The following PTGS1 variants were observed in gnomAD, a reference collection of about 807,000 sequenced individuals.
PTGS1 encodes the protein prostaglandin-endoperoxide synthase 1.
PTGS1 carries 40 observed loss-of-function variants against 63.0 expected under a neutral mutation model. That is an observed-to-expected ratio of 0.63 (90% confidence interval 0.49 to 0.83). The LOEUF (loss-of-function observed/expected upper bound fraction) is 0.83. Ranked by LOEUF, PTGS1 falls within the 40% of genes least tolerant of loss-of-function variation. The pLI is 0.00. For missense variants in PTGS1, 709 were observed against 786.5 expected, an observed-to-expected ratio of 0.90 and a Z score of 1.18; for synonymous variants, 298 against 301.9, an observed-to-expected ratio of 0.99 and a Z score of 0.13.
chr9:122,390,112 T>C, intron 9 of PTGS1, 86 bp from the exon 10 acceptor site: 1 of 1,492,520 alleles, frequency 6.7e-7, no homozygotes, highest in Non-Finnish European at 9.0e-7. Context: ...GGACTCCCAC[T>C]GGAAGCTCTT....
rs201316771 is a variant in PTGS1, at chr9:122,383,702, A to T, written c.956A>T (p.His319Leu). Residue 319 changes from histidine (H) to leucine (L), a missense_variant, in exon 8 of 11, where the codon CAC (histidine) becomes CTC (leucine). By Grantham distance (99) the His-to-Leu change is moderately conservative (BLOSUM62 -3). Transcript: ENST00000362012. ...GTGTGTGACCTGCTGAAGGCTGAGC[A>T]CCCCACCTGGGGCGATGAGCAGCTT... The part of the protein sequence containing the change: ...NRVCDLLKAE[H>L]PTWGDEQLFQ... 9 of 1,613,714 alleles carry T rather than the reference A, an allele frequency of 5.6e-6. No individual in the cohort carries two copies. Among genetic ancestry groups the T allele is most frequent in the Non-Finnish European group, 7.6e-6 (9 of 1,179,970 alleles).
rs1356099393 is a variant in PTGS1, at chr9:122,391,410, CATATATATATATATATACAT to C, written c.1445-762_1445-743del. Reference sequence around the variant, plus strand: ...ACATATATATATACATATATATATACATATATATATATATATACATATATATATATATATATTTCCCCCAA... The same window carrying C: ...ACATATATATATACATATATATATACATATATATATATATATTTCCCCCAA... On this transcript the variant is annotated intron_variant, in intron 10 of 10. Transcript: ENST00000362012. Among the ~76,000 whole-genome samples the C allele has an allele frequency of 1.8e-3, 91 of 50,720 alleles. 2 individuals carry two copies. The highest frequency in any genetic ancestry group is 0.014 in the South Asian group (18 of 1,274). 33.3% of individuals were successfully genotyped at this position (50,720 alleles called of 152,430 possible). A position where few individuals can be genotyped will look rare whatever the true frequency, so the allele number is the denominator to read the frequency against.
rs1296093899 is a variant in PTGS1 at position 122,378,937 on chromosome 9, C to T, written c.496+19C>T. The T allele has an allele frequency of 1.9e-6, 3 of 1,613,672 alleles. No homozygotes were observed. Among genetic ancestry groups the T allele is most frequent in the Non-Finnish European group, 2.5e-6 (3 of 1,179,772 alleles). ...ACCAAAGGTAAAATGGGGTGAGGAGCTGGGCCTGGGGATTACAGGAGGTGC... is the reference window on the plus strand; with the variant it reads ...ACCAAAGGTAAAATGGGGTGAGGAGTTGGGCCTGGGGATTACAGGAGGTGC... On this transcript the variant is annotated intron_variant, in intron 5 of 10. Coordinates refer to ENST00000362012, the MANE Select transcript of PTGS1 (RefSeq NM_000962.4).
At chr9:122,384,498 G>A (rs1032196023) in intron 8 of PTGS1, among the ~76,000 whole-genome samples, 12 of 152,134 alleles carry the variant, frequency 7.9e-5, no homozygotes, top group South Asian at 2.1e-4. Context: ...AAGTTTCAGC[G>A]TTGCAAAGAC....
chr9:122,381,587 A>G lies in PTGS1; in HGVS notation c.678+35A>G, dbSNP rs201704731. The G allele has an allele frequency of 2.6e-5, 42 of 1,613,654 alleles. No homozygotes were observed. The African/African-American group carries it at 5.1e-4, about 19-fold the overall frequency. On this transcript the variant is annotated intron_variant, in intron 6 of 10. Coordinates refer to ENST00000362012, the MANE Select transcript of PTGS1 (RefSeq NM_000962.4). ...TAGGAGGGGCTCAGGACTGCTCTGG[A>G]CCTAATTTGGCACGCGTATGTCATC...
intron 7 of PTGS1, among the ~76,000 whole-genome samples, chr9:122,382,822 G>A (rs994334618): frequency 1.3e-5 from 2 of 152,258 alleles, no homozygotes; most frequent in African/African-American, 4.8e-5. Flanking sequence ...CTGCCACCAA[G>A]GAGAAGCTGT....
intron 10 of PTGS1, among the ~76,000 whole-genome samples, chr9:122,391,410 CATATATATATAT>C (rs1182952396): frequency 3.9e-5 from 2 of 50,696 alleles, no homozygotes; most frequent in Admixed American, 2.6e-4. Context: ...TATATATATA[CATATATATATAT>C]ATATACATAT....
At chr9:122,378,282 T>C in intron 3 of PTGS1, 151 bp from the exon 4 acceptor site, 2 of 1,128,752 alleles carry the variant, frequency 1.8e-6, no homozygotes, top group Non-Finnish European at 1.3e-6. Context: ...CTGTCATGTG[T>C]CATTGCTCCC....
intron 8 of PTGS1, among the ~76,000 whole-genome samples, chr9:122,384,452 A>G (rs952175902): frequency 8.5e-5 from 13 of 152,184 alleles, no homozygotes; most frequent in African/African-American, 3.1e-4. Context: ...CATTGGGAAT[A>G]GGAACAGTCA....
At position 122,392,401 on chromosome 9, in the gene PTGS1, G is replaced by C. The variant is rs1202443510; in HGVS notation, c.1657G>C (p.Val553Leu). ...GAAGCCGAGCACATTTGGCGGCGAGGTGGGCTTTAACATTGTCAAGACGGC... is the reference window on the plus strand; with the variant it reads ...GAAGCCGAGCACATTTGGCGGCGAGCTGGGCTTTAACATTGTCAAGACGGC... ...YWKPSTFGGEVGFNIVKTATL... is the reference protein window; with the variant it reads ...YWKPSTFGGELGFNIVKTATL... Residue 553 changes from valine to leucine, a missense_variant, in exon 11 of 11, where the codon GTG becomes CTG. Physicochemically the swap from Val to Leu is conservative, Grantham distance 32 (BLOSUM62 1). Coordinates refer to ENST00000362012, the MANE Select transcript of PTGS1 (RefSeq NM_000962.4). The C allele has an allele frequency of 6.2e-7, 1 of 1,614,180 alleles. No individual in the cohort carries two copies. Among genetic ancestry groups the C allele is most frequent in the South Asian group, 1.1e-5 (1 of 91,082 alleles).
intron 9 of PTGS1, 35 bp downstream of exon 9, chr9:122,386,767 G>A: frequency 6.2e-7 from 1 of 1,604,558 alleles, no homozygotes; most frequent in South Asian, 1.1e-5. Flanking sequence ...AGGGCAGGTG[G>A]GCTGAGGGAT....
rs534851107 is a variant in PTGS1, at chr9:122,385,211, G to A, written c.1010-1235G>A. Among the ~76,000 whole-genome samples, 78 of 152,284 alleles carry A rather than the reference G, an allele frequency of 5.1e-4. No homozygotes were observed. In the South Asian group the frequency reaches 0.016, roughly 32 times the overall value. On this transcript the variant is annotated intron_variant, in intron 8 of 10. Transcript: ENST00000362012. ...GACCTCAGGTGATCCACCCGCCTTG[G>A]CATCCCAAAGTTCTGGGTTTATAGG...
Position 122,383,597 on chromosome 9 carries a change from T to G in PTGS1, c.851T>G (p.Met284Arg). 2 of 1,614,166 alleles carry G rather than the reference T, an allele frequency of 1.2e-6. No individual in the cohort carries two copies. The highest frequency in any genetic ancestry group is 1.7e-6 in the Non-Finnish European group (2 of 1,180,024). Residue 284 changes from methionine (M) to arginine (R), a missense_variant, in exon 8 of 11, where the codon ATG becomes AGG. Physicochemically the swap from Met to Arg is moderately conservative, Grantham distance 91. Coordinates refer to ENST00000362012, the MANE Select transcript of PTGS1 (RefSeq NM_000962.4). ...YPRGIPPQSQ[M>R]AVGQEVFGLL... ...CGAGGCATCCCGCCCCAGAGCCAGA[T>G]GGCTGTGGGCCAGGAGGTGTTTGGG...
At chr9:122,382,362 G>C (rs905432881) in intron 7 of PTGS1, among the ~76,000 whole-genome samples, 5 of 152,100 alleles carry the variant, frequency 3.3e-5, no homozygotes, top group African/African-American at 4.8e-5. Flanking sequence ...TCATGCTGAA[G>C]CTTCAAAATC....
chr9:122,386,531 G>A lies in PTGS1; in HGVS notation c.1095G>A (p.Leu365=). 1.2e-6 allele frequency: 2 copies of A among 1,614,222 alleles called. No individual in the cohort carries two copies. The highest frequency in any genetic ancestry group is 2.2e-5 in the South Asian group (2 of 91,082). Residue 365 remains leucine (L), a synonymous_variant, in exon 9 of 11, where the codon CTG becomes CTA. Transcript: ENST00000362012. The part of the protein sequence containing the change: ...FLQLKFDPEL[L]FGVQFQYRNR... ...AGCTGAAATTTGACCCAGAGCTGCT[G>A]TTCGGTGTCCAGTTCCAATACCGCA...
At chr9:122,390,482 T>C in intron 10 of PTGS1, 137 bp downstream of exon 10, 1 of 1,049,166 alleles carries the variant, frequency 9.5e-7, no homozygotes, top group South Asian at 1.7e-5. Flanking sequence ...GTGGAAGTGC[T>C]GTGCCAGGGT....
chr9:122,383,450 G>T, intron 7 of PTGS1, 59 bp from the exon 8 acceptor site: 1 of 1,549,988 alleles, frequency 6.5e-7, no homozygotes. Context: ...GAGGGAGTTG[G>T]TTGTGGGCAG....
At position 122,378,913 on chromosome 9, in the gene PTGS1, C is replaced by A. The variant is rs139521520; in HGVS notation, c.491C>A (p.Thr164Asn). Reference sequence around the variant, plus strand: ...AAAGATTGCCCCACACCCATGGGAACCAAAGGTAAAATGGGGTGAGGAGCT... The same window carrying A: ...AAAGATTGCCCCACACCCATGGGAAACAAAGGTAAAATGGGGTGAGGAGCT... ...VPKDCPTPMGTKGKKQLPDAQ... is the reference protein window; with the variant it reads ...VPKDCPTPMGNKGKKQLPDAQ... Residue 164 changes from threonine (T) to asparagine (N), a missense_variant, in exon 5 of 11, where the codon ACC (threonine) becomes AAC (asparagine). Thr to Asn is a moderately conservative substitution (Grantham distance 65). Transcript: ENST00000362012. The A allele has an allele frequency of 1.9e-5, 31 of 1,614,022 alleles. No individual in the cohort carries two copies. The highest frequency in any genetic ancestry group is 2.5e-5 in the Non-Finnish European group (30 of 1,180,020).
chr9:122,387,732 T>C (rs1259886652), intron 9 of PTGS1, among the ~76,000 whole-genome samples: 2 of 152,254 alleles, frequency 1.3e-5, no homozygotes, highest in Non-Finnish European at 2.9e-5. Flanking sequence ...CATTCTGTGG[T>C]ACATTGTCAT....
Sources: allele counts gnomAD v4.1 joint callset (sites outside exome capture counted in the v4.1 genomes callset), GRCh38; gene constraint gnomAD v4.1.1; transcripts MANE v1.5; gene names NCBI Gene and HGNC (gene_info 2026-07-23, HGNC 2026-07-21).